Variants in SUMF1 observed in about 807,000 individuals in gnomAD.
SUMF1 encodes the protein sulfatase modifying factor 1.
Under a neutral mutation model 47.6 loss-of-function variants are expected in SUMF1, and 48 were observed. The observed-to-expected ratio is 1.01, with a 90% CI of 0.80 to 1.28. The LOEUF (loss-of-function observed/expected upper bound fraction) is 1.28, where lower values mean the gene tolerates loss of function less well. SUMF1 is among the 50% of genes most tolerant of loss of function. The pLI is 0.00. For synonymous variants in SUMF1, 230 were observed against 192.1 expected (o/e 1.20, Z -1.63); for missense variants, 571 against 485.4 (o/e 1.18, Z -1.66).
chr3:4,185,727 G>C (rs1039225897), intron 8 of SUMF1, among the ~76,000 whole-genome samples: 2 of 152,156 alleles, frequency 1.3e-5, no homozygotes, highest in Non-Finnish European at 2.9e-5. Flanking sequence ...GATAGTGAGA[G>C]TATAATTTTA....
intron 8 of SUMF1, among the ~76,000 whole-genome samples, chr3:4,259,066 G>T (rs1697027023): frequency 6.8e-6 from 1 of 147,190 alleles, no homozygotes; most frequent in Non-Finnish European, 1.5e-5. Context: ...TGAACAATGA[G>T]ATCACATGGA....
chr3:4,387,140 A>T (rs565656127), intron 7 of SUMF1, among the ~76,000 whole-genome samples: 1 of 151,858 alleles, frequency 6.6e-6, no homozygotes, highest in Admixed American at 6.6e-5. Context: ...CCTTCTTTTC[A>T]TTTTCTAAAA....
intron 8 of SUMF1, among the ~76,000 whole-genome samples, chr3:4,129,745 C>T (rs1336733465): frequency 1.3e-5 from 2 of 152,052 alleles, no homozygotes; most frequent in Non-Finnish European, 2.9e-5. Context: ...ACGCTGATTC[C>T]AGGGGAAACA....
At chr3:4,120,811 T>C (rs1693524534) in intron 8 of SUMF1, among the ~76,000 whole-genome samples, 1 of 152,176 alleles carries the variant, frequency 6.6e-6, no homozygotes, top group Admixed American at 6.5e-5. Context: ...CACAGTTTTG[T>C]ATTAAATGCA....
At chr3:4,144,295 A>T (rs1694145037) in intron 8 of SUMF1, among the ~76,000 whole-genome samples, 1 of 152,070 alleles carries the variant, frequency 6.6e-6, no homozygotes, top group Non-Finnish European at 1.5e-5. Flanking sequence ...GTAGTTTGGG[A>T]AACAAGGCCA....
chr3:4,360,998 A>T (rs1471395719), downstream of SUMF1: 1 of 152,232 alleles, frequency 6.6e-6, no homozygotes, highest in Non-Finnish European at 1.5e-5. Context: ...TGGAACAAAA[A>T]TTCCCACAAA....
At chr3:4,230,367 G>A in intron 8 of SUMF1, among the ~76,000 whole-genome samples, 1 of 152,028 alleles carries the variant, frequency 6.6e-6, no homozygotes, top group African/African-American at 2.4e-5. Flanking sequence ...GTCTGTCTTG[G>A]CAACAAAAGA....
chr3:4,139,815 T>A (rs1038858281), intron 8 of SUMF1, among the ~76,000 whole-genome samples: 19 of 151,986 alleles, frequency 1.3e-4, no homozygotes, highest in African/African-American at 4.6e-4. Flanking sequence ...CCATCTTTTC[T>A]TGAAAAATAG....
At chr3:4,249,587 G>A (rs934980435) in intron 8 of SUMF1, among the ~76,000 whole-genome samples, 3 of 151,996 alleles carry the variant, frequency 2.0e-5, no homozygotes, top group African/African-American at 7.3e-5. Flanking sequence ...CTACCAACTG[G>A]TCATTCCCTT....
intron 7 of SUMF1, among the ~76,000 whole-genome samples, chr3:4,376,625 G>A (rs567697727): frequency 3.9e-5 from 6 of 152,072 alleles, no homozygotes; most frequent in East Asian, 1.9e-4. Context: ...TGAAGTCTTC[G>A]TAACTACAGG....
intron 8 of SUMF1, among the ~76,000 whole-genome samples, chr3:4,165,747 G>C (rs905656125): frequency 6.6e-6 from 1 of 151,794 alleles, no homozygotes; most frequent in Non-Finnish European, 1.5e-5. Flanking sequence ...CTTTTTCAAA[G>C]TTTGTGGGTC....
intron 8 of SUMF1, among the ~76,000 whole-genome samples, chr3:4,331,152 A>G (rs868257712): frequency 2.0e-4 from 31 of 152,276 alleles, no homozygotes; most frequent in Admixed American, 1.0e-3. Context: ...ACTTTAGGAC[A>G]AAAATTTACC....
chr3:4,265,188 G>C (rs1242522228), intron 8 of SUMF1, among the ~76,000 whole-genome samples: 1 of 149,342 alleles, frequency 6.7e-6, no homozygotes, highest in Non-Finnish European at 1.5e-5. Flanking sequence ...TATGTTCTAT[G>C]CATCTGGCAG....
In SUMF1 at chr3:4,178,136, T is replaced by C. The variant is rs571493675; in HGVS notation, c.1015-109391A>G. On this transcript the variant is annotated intron_variant and NMD_transcript_variant, in intron 8 of 12. Transcript: ENST00000448413. The stretch of plus-strand genomic sequence containing the variant: ...TACAAAGAGGAGTTAGTACCATTTC[T>C]TCTGGAACTATTCCAATCAATAGAA... Among the ~76,000 whole-genome samples the C allele has an allele frequency of 3.3e-5, 5 of 152,320 alleles. No individual in the cohort carries two copies. In the South Asian group the frequency reaches 1.0e-3, roughly 32 times the overall value.
intron 8 of SUMF1, among the ~76,000 whole-genome samples, chr3:4,321,817 A>G (rs1698842659): frequency 6.6e-6 from 1 of 152,166 alleles, no homozygotes; most frequent in Non-Finnish European, 1.5e-5. Flanking sequence ...CAAAGAGTGT[A>G]GAATGGAAAG....
In SUMF1 at chr3:4,453,056, T is replaced by A. The variant is rs371283922; in HGVS notation, c.271-7A>T. 1.2e-6 allele frequency: 2 copies of A among 1,610,398 alleles called. No individual in the cohort carries two copies. Among genetic ancestry groups the A allele is most frequent in the South Asian group, 2.2e-5 (2 of 90,822 alleles). ...CAGCAGGGATGGGGACCATCTACAA[T>A]GAAAGGTGAAACACAGGAAGTCATG... is the stretch of plus-strand genomic sequence containing the variant. On this transcript the variant is annotated splice_region_variant and splice_polypyrimidine_tract_variant and intron_variant, in intron 1 of 8. Coordinates refer to ENST00000272902, the MANE Select transcript of SUMF1 (RefSeq NM_182760.4).
intron 8 of SUMF1, among the ~76,000 whole-genome samples, chr3:4,267,938 T>G (rs764766642): frequency 2.0e-5 from 3 of 151,232 alleles, no homozygotes; most frequent in Non-Finnish European, 4.4e-5. Flanking sequence ...CATGCACACG[T>G]ATGTTTATTG....
At chr3:4,345,741 A>C (rs1019621025) in intron 8 of SUMF1, among the ~76,000 whole-genome samples, 3 of 152,200 alleles carry the variant, frequency 2.0e-5, no homozygotes, top group Non-Finnish European at 4.4e-5. Context: ...CAGGCTGGCA[A>C]ATTGGATAAG....
At chr3:4,050,180 A>G (rs529825334) in intron 9 of SUMF1, among the ~76,000 whole-genome samples, 46 of 152,032 alleles carry the variant, frequency 3.0e-4, no homozygotes, top group Admixed American at 7.9e-4. Context: ...ATTTAGGGGC[A>G]TGAGTATCCT....
Sources: gnomAD v4.1 joint callset for allele counts (sites outside exome capture counted in the v4.1 genomes callset) on GRCh38, gnomAD v4.1.1 for gene constraint, MANE v1.5 for transcripts, NCBI Gene and HGNC (gene_info 2026-07-23, HGNC 2026-07-21) for gene names.